Variants in GREB1L observed in about 807,000 individuals in gnomAD.
The protein encoded by GREB1L is GREB1-like protein.
In GREB1L, 17 loss-of-function variants were observed where a neutral mutation model predicts 200.8. The ratio of observed to expected loss-of-function variants is 0.08; its 90% CI spans 0.06 to 0.13. GREB1L has a LOEUF of 0.13. GREB1L is among the 10% of genes least tolerant of loss of function. GREB1L has a pLI of 1.00. For synonymous variants in GREB1L, 789 were observed against 893.0 expected (o/e 0.88, Z 2.08); for missense variants, 1,657 against 2,367.7 (o/e 0.70, Z 6.23).
intron 27 of GREB1L, 143 bp from the exon 28 acceptor site, chr18:21,513,678 C>T: frequency 2.9e-6 from 2 of 688,524 alleles, no homozygotes; most frequent in Non-Finnish European, 4.9e-6. Flanking sequence ...AGAGCCACTG[C>T]TCTGAACATT....
chr18:21,510,265 A>G (rs966698207), intron 27 of GREB1L, among the ~76,000 whole-genome samples: 1 of 152,070 alleles, frequency 6.6e-6, no homozygotes, highest in South Asian at 2.1e-4. Flanking sequence ...GTTAAAGTTC[A>G]GAAGTGTTAA....
intron 1 of GREB1L, among the ~76,000 whole-genome samples, chr18:21,282,521 C>T (rs1219016521): frequency 5.3e-5 from 8 of 151,938 alleles, no homozygotes; most frequent in Non-Finnish European, 1.0e-4. Flanking sequence ...TAAAACAGCA[C>T]GCTAACCATT....
intron 7 of GREB1L, among the ~76,000 whole-genome samples, chr18:21,417,925 G>A (rs1322180365): frequency 1.3e-5 from 2 of 149,512 alleles, no homozygotes; most frequent in South Asian, 2.1e-4. Flanking sequence ...AGCTTGCAGT[G>A]AGCCGAGATT....
chr18:21,247,812 A>G (rs1378311377), intron 1 of GREB1L, among the ~76,000 whole-genome samples: 3 of 152,334 alleles, frequency 2.0e-5, no homozygotes, highest in East Asian at 1.9e-4. Context: ...ATCTTTGAGA[A>G]AACCTCATCT....
At position 21,496,443 on chromosome 18, in the gene GREB1L, C is replaced by T. The variant is rs1449035904; in HGVS notation, c.3147-11C>T. On this transcript the variant is annotated splice_polypyrimidine_tract_variant and intron_variant, in intron 20 of 32. Coordinates refer to ENST00000424526, the MANE Select transcript of GREB1L (RefSeq NM_001142966.3). ...GATAGACTCACCAACAACACAATTA[C>T]TTTTGTTCAGGTCTTTGAAGTACTG... 9.7e-6 allele frequency: 15 copies of T among 1,551,474 alleles called. No individual in the cohort carries two copies. Among genetic ancestry groups the T allele is most frequent in the African/African-American group, 5.5e-5 (4 of 73,034 alleles).
intron 7 of GREB1L, among the ~76,000 whole-genome samples, chr18:21,415,697 A>G (rs1246986224): frequency 6.6e-6 from 1 of 152,242 alleles, no homozygotes; most frequent in African/African-American, 2.4e-5. Flanking sequence ...GCCACCAGCC[A>G]AACAGGAAAA....
Position 21,401,324 on chromosome 18 carries a change from A to G in GREB1L, c.707A>G (p.Lys236Arg). Residue 236 changes from lysine (K) to arginine (R), a missense_variant and splice_region_variant, in exon 6 of 33, where the codon AAA (lysine) becomes AGA (arginine). This residue lies in a region of GREB1L where 289 missense variants were observed against 345.1 expected (regional missense o/e 0.84). Coordinates refer to ENST00000424526, the MANE Select transcript of GREB1L (RefSeq NM_001142966.3). Reference protein sequence around the residue: ...VLSKGPLICWKECRSRQSSAS... With the variant: ...VLSKGPLICWRECRSRQSSAS... ...TCTAAAGGACCTCTTATCTGCTGGA[A>G]AGGTAGTCAATTTCCAGGAAGAAAA... 1 of 1,546,816 alleles carries G rather than the reference A, an allele frequency of 6.5e-7. No homozygotes were observed.
intron 1 of GREB1L, among the ~76,000 whole-genome samples, chr18:21,326,061 A>G (rs1481491773): frequency 6.6e-6 from 1 of 152,032 alleles, no homozygotes; most frequent in Non-Finnish European, 1.5e-5. Flanking sequence ...CTATTTACCA[A>G]ATGTCCCCAA....
intron 1 of GREB1L, among the ~76,000 whole-genome samples, chr18:21,265,294 A>C (rs2037948453): frequency 6.6e-6 from 1 of 152,196 alleles, no homozygotes; most frequent in Non-Finnish European, 1.5e-5. Flanking sequence ...GAAATAGTAC[A>C]TATTCATATA....
At chr18:21,503,797 C>G (rs1479712922) in intron 23 of GREB1L, among the ~76,000 whole-genome samples, 1 of 148,002 alleles carries the variant, frequency 6.8e-6, no homozygotes, top group African/African-American at 2.5e-5. Context: ...AGACTGGTCT[C>G]GAACTCCTAG....
chr18:21,399,936 A>C (rs2041247562), intron 5 of GREB1L, among the ~76,000 whole-genome samples: 1 of 152,132 alleles, frequency 6.6e-6, no homozygotes, highest in Admixed American at 6.5e-5. Flanking sequence ...TCTCTTCTCT[A>C]TTTATATATC....
chr18:21,449,878 T>G (rs774247060), intron 12 of GREB1L, 42 bp downstream of exon 12: 11 of 1,377,266 alleles, frequency 8.0e-6, no homozygotes, highest in Non-Finnish European at 7.8e-6. Flanking sequence ...ATCAATTCAT[T>G]CGACCATTTT....
intron 7 of GREB1L, among the ~76,000 whole-genome samples, chr18:21,411,056 CA>C (rs1242258449): frequency 6.6e-6 from 1 of 152,032 alleles, no homozygotes; most frequent in African/African-American, 2.4e-5. Context: ...AGGCACTTCA[CA>C]AAAGAGAATA....
chr18:21,279,999 G>A (rs2038241387), intron 1 of GREB1L, among the ~76,000 whole-genome samples: 1 of 152,104 alleles, frequency 6.6e-6, no homozygotes, highest in Non-Finnish European at 1.5e-5. Flanking sequence ...CATTACTGTA[G>A]TATATTTGTT....
At chr18:21,463,397 G>A (rs4800254) in intron 15 of GREB1L, among the ~76,000 whole-genome samples, 44,682 of 151,676 alleles carry the variant, frequency 0.29, 8,749 homozygotes, top group African/African-American at 0.52. Flanking sequence ...CGCCCTCCTC[G>A]GCCTCCCAAA....
At chr18:21,480,149 G>A (rs779490261) in intron 17 of GREB1L, among the ~76,000 whole-genome samples, 4 of 152,260 alleles carry the variant, frequency 2.6e-5, no homozygotes, top group Middle Eastern at 3.4e-3. Flanking sequence ...TCGGGAGTTC[G>A]AGACCAACCT....
intron 1 of GREB1L, among the ~76,000 whole-genome samples, chr18:21,336,104 A>G (rs2039181271): frequency 6.6e-6 from 1 of 152,196 alleles, no homozygotes; most frequent in African/African-American, 2.4e-5. Context: ...TAAACTAGCT[A>G]CAGGTGAAAG....
intron 7 of GREB1L, among the ~76,000 whole-genome samples, chr18:21,425,928 T>G (rs2032531052): frequency 1.3e-5 from 2 of 152,202 alleles, no homozygotes; most frequent in African/African-American, 4.8e-5. Context: ...GTTTGTGTTT[T>G]CGGTGTTATA....
At chr18:21,299,440 A>T (rs1299071395) in intron 1 of GREB1L, among the ~76,000 whole-genome samples, 2 of 151,926 alleles carry the variant, frequency 1.3e-5, no homozygotes, top group Non-Finnish European at 2.9e-5. Flanking sequence ...ATAGACTCTT[A>T]GTAAATATCC....
Sources: allele counts gnomAD v4.1 joint callset (sites outside exome capture counted in the v4.1 genomes callset), GRCh38; gene constraint gnomAD v4.1.1; regional missense constraint gnomAD v4.1.1; transcripts MANE v1.5; gene names NCBI Gene and HGNC (gene_info 2026-07-23, HGNC 2026-07-21).